The following GRIP2 variants were observed in gnomAD, a reference collection of about 807,000 sequenced individuals.
The protein encoded by GRIP2 is glutamate receptor interacting protein 2.
Under a neutral mutation model 108.3 loss-of-function variants are expected in GRIP2, and 58 were observed. That is an observed-to-expected ratio of 0.54 (90% CI 0.43 to 0.67). The LOEUF is 0.67. Among genes scored for constraint, GRIP2 ranks in the 30% least tolerant of loss-of-function variants. The probability of loss-of-function intolerance (pLI) is 0.00; values close to 1 mark genes in which losing one functional copy is unlikely to be tolerated. For synonymous variants in GRIP2, 586 were observed against 598.2 expected (o/e 0.98, Z 0.30); for missense variants, 1,278 against 1,430.6 (o/e 0.89, Z 1.72).
At chr3:14,544,853 C>A (rs1695033977), upstream of GRIP2, among the ~76,000 whole-genome samples, 1 of 152,198 alleles carries the variant, frequency 6.6e-6, no homozygotes, top group Non-Finnish European at 1.5e-5. Flanking sequence ...AGGGGAGGGG[C>A]ACTAGGGGAC....
At chr3:14,601,383 C>T in the GRIP2 span, among the ~76,000 whole-genome samples, 3 of 152,138 alleles carry the variant, frequency 2.0e-5, no homozygotes, top group Non-Finnish European at 4.4e-5. Flanking sequence ...TCCTTGGGGG[C>T]AGCTCCGTTG....
chr3:14,568,723 C>A, the GRIP2 span, among the ~76,000 whole-genome samples: 1 of 152,142 alleles, frequency 6.6e-6, no homozygotes, highest in African/African-American at 2.4e-5. Context: ...TGGGATGGGG[C>A]CCCTGCATAG....
rs1317472005 is a variant in GRIP2 at position 14,507,996 on chromosome 3, A to G, written c.2079-296T>C. On this transcript the variant is annotated intron_variant, in intron 17 of 23. Transcript: ENST00000621039. The surrounding 1 kb of genome is among the most constrained non-coding windows in gnomAD (Gnocchi z 4.6). ...ACATACTAGCTGCCAAATACTTGCT[A>G]TGTGATCTTGGGCCAGTTTCTTAAA... is the stretch of plus-strand genomic sequence containing the variant. Among the ~76,000 whole-genome samples, 1 of 152,240 alleles carries G rather than the reference A, an allele frequency of 6.6e-6. No homozygotes were observed. Among genetic ancestry groups the G allele is most frequent in the East Asian group, 1.9e-4 (1 of 5,206 alleles).
chr3:14,582,872 C>A, the GRIP2 span, among the ~76,000 whole-genome samples: 1 of 152,350 alleles, frequency 6.6e-6, no homozygotes, highest in Admixed American at 6.5e-5. Context: ...TCCATCAGGG[C>A]AAGGTCCTAG....
At chr3:14,539,056 A>T (rs184194640) in intron 1 of GRIP2, among the ~76,000 whole-genome samples, 1 of 152,368 alleles carries the variant, frequency 6.6e-6, no homozygotes, top group African/African-American at 2.4e-5. Flanking sequence ...CTCCATTTAC[A>T]GTGCAGTTGC....
chr3:14,574,014 A>G, the GRIP2 span: 2 of 1,347,990 alleles, frequency 1.5e-6, no homozygotes, highest in South Asian at 1.2e-5. Context: ...CAGGTGGATG[A>G]GGGCCTCCGA....
the GRIP2 span, among the ~76,000 whole-genome samples, chr3:14,599,713 T>TGTGTGTGTTTG: frequency 4.1e-5 from 3 of 73,572 alleles, no homozygotes; most frequent in African/African-American, 1.8e-4. Context: ...GTGTGTGTGT[T>TGTGTGTGTTTG]TGTGTGTGTG....
the GRIP2 span, among the ~76,000 whole-genome samples, chr3:14,576,844 C>A: frequency 6.6e-6 from 1 of 152,232 alleles, no homozygotes; most frequent in Non-Finnish European, 1.5e-5. Context: ...AAGCCCTGTC[C>A]TGCACAAACC....
chr3:14,553,763 G>A (rs1307604030), intron 1 of GRIP2, among the ~76,000 whole-genome samples: 2 of 152,166 alleles, frequency 1.3e-5, no homozygotes, highest in Non-Finnish European at 2.9e-5. Context: ...GAAGACAGAA[G>A]AAACACCTTG....
chr3:14,535,966 A>G (rs887968736), intron 1 of GRIP2, among the ~76,000 whole-genome samples: 2 of 152,144 alleles, frequency 1.3e-5, no homozygotes, highest in Non-Finnish European at 2.9e-5. Context: ...TTACAGGCTG[A>G]CCTCTGAATG....
intron 1 of GRIP2, among the ~76,000 whole-genome samples, chr3:14,549,089 C>T (rs955737595): frequency 6.6e-6 from 1 of 152,232 alleles, no homozygotes; most frequent in Non-Finnish European, 1.5e-5. Flanking sequence ...TGATTTCAAC[C>T]CCATGCCCAG....
intron 1 of GRIP2, among the ~76,000 whole-genome samples, chr3:14,549,738 T>G (rs1393282807): frequency 6.6e-6 from 1 of 152,166 alleles, no homozygotes; most frequent in Admixed American, 6.5e-5. Flanking sequence ...TTTACTTCAG[T>G]CCCATGAGGC....
intron 1 of GRIP2, among the ~76,000 whole-genome samples, chr3:14,533,718 C>T (rs1234983402): frequency 6.6e-6 from 1 of 152,176 alleles, no homozygotes; most frequent in Non-Finnish European, 1.5e-5. Context: ...GATTTTGCTC[C>T]AGTGCACTAC....
chr3:14,588,655 C>T, the GRIP2 span, among the ~76,000 whole-genome samples: 1 of 152,180 alleles, frequency 6.6e-6, no homozygotes, highest in Non-Finnish European at 1.5e-5. Flanking sequence ...AGGCTCAGTT[C>T]CGTCAGCACA....
At chr3:14,589,564 A>T in the GRIP2 span, among the ~76,000 whole-genome samples, 1 of 152,118 alleles carries the variant, frequency 6.6e-6, no homozygotes, top group Admixed American at 6.6e-5. Context: ...GTTTATTGAC[A>T]CTGCAACAAA....
Position 14,523,042 on chromosome 3 carries a change from G to A in GRIP2, c.524C>T (p.Pro175Leu), listed in dbSNP as rs757044649. The change falls in exon 6 of 24, where the codon CCG (proline) becomes CTG (leucine). Residue 175 changes from proline (P) to leucine (L), a missense_variant. Physicochemically the swap from Pro to Leu is moderately conservative, Grantham distance 98. Coordinates refer to ENST00000621039, the MANE Select transcript of GRIP2 (RefSeq NM_001080423.4). ...GGGCCGCACGTAGGTCAGGACAAGC[G>A]GGCGGGACTTGTGCCCATCTTCATG... ...GAHEDGHKSR[P>L]LVLTYVRPGG... 7.4e-6 allele frequency: 12 copies of A among 1,612,730 alleles called. No homozygotes were observed. Among genetic ancestry groups the A allele is most frequent in the Non-Finnish European group, 8.5e-6 (10 of 1,179,308 alleles).
intron 1 of GRIP2, among the ~76,000 whole-genome samples, chr3:14,549,531 G>C: frequency 6.6e-6 from 1 of 152,170 alleles, no homozygotes; most frequent in East Asian, 1.9e-4. Flanking sequence ...CTTCCTGGAG[G>C]GTTCCCCAAC....
chr3:14,528,294 TTAGC>T (rs1299393244), intron 1 of GRIP2, among the ~76,000 whole-genome samples: 1 of 152,248 alleles, frequency 6.6e-6, no homozygotes, highest in Admixed American at 6.5e-5. Context: ...ACCAGTTTGT[TTAGC>T]TATTGACTTG....
At position 14,512,880 on chromosome 3, in the gene GRIP2, C is replaced by T. The variant is rs753867602; in HGVS notation, c.1640-23G>A. The T allele has an allele frequency of 1.9e-5, 31 of 1,610,456 alleles. No individual in the cohort carries two copies. Among genetic ancestry groups the T allele is most frequent in the East Asian group, 1.3e-4 (6 of 44,878 alleles). On this transcript the variant is annotated intron_variant, in intron 13 of 23. Coordinates refer to ENST00000621039, the MANE Select transcript of GRIP2 (RefSeq NM_001080423.4). The surrounding 1 kb of genome is among the most constrained non-coding windows in gnomAD (Gnocchi z 5.1). ...ACTCTGGGGGTAGATGGACATAAAC[C>T]GACGTGAGGACCCAGAGGAGGAGCC... is the stretch of plus-strand genomic sequence containing the variant.
Sources: gnomAD v4.1 joint callset for allele counts (sites outside exome capture counted in the v4.1 genomes callset) on GRCh38, gnomAD v4.1.1 for gene constraint, Gnocchi (gnomAD v3.1) non-coding constraint, MANE v1.5 for transcripts, NCBI Gene and HGNC (gene_info 2026-07-23, HGNC 2026-07-21) for gene names.